The following PFKL variants were observed in gnomAD, a reference collection of about 807,000 sequenced individuals.
The protein encoded by PFKL is ATP-dependent 6-phosphofructokinase, liver type.
Under a neutral mutation model 92.1 loss-of-function variants are expected in PFKL, and 74 were observed. The observed-to-expected ratio is 0.80, with a 90% CI of 0.67 to 0.97. The LOEUF is 0.97. Ranked by LOEUF, PFKL falls within the 50% of genes least tolerant of loss-of-function variation. PFKL has a pLI of 0.00. For synonymous variants in PFKL, 494 were observed against 456.4 expected (o/e 1.08, Z -1.05); for missense variants, 1,028 against 1,116.6 (o/e 0.92, Z 1.13).
chr21:44,305,078 C>T (rs999995926), intron 1 of PFKL: 1 of 383,236 alleles, frequency 2.6e-6, no homozygotes, highest in African/African-American at 2.1e-5. Context: ...GGGGAGAGGG[C>T]CACCTACTGA....
Position 44,326,009 on chromosome 21 carries a change from G to C in PFKL, c.2038G>C (p.Val680Leu). 1.2e-6 allele frequency: 2 copies of C among 1,613,898 alleles called. No homozygotes were observed. The highest frequency in any genetic ancestry group is 1.1e-5 in the South Asian group (1 of 91,084). ...FDRNYGTKLG[V>L]KAMLWLSEKL... ...CCGGAACTATGGGACCAAGCTGGGG[G>C]TGAAGGCCATGCTGTGGTTGTCGGA... is the stretch of plus-strand genomic sequence containing the variant. Residue 680 changes from valine to leucine, a missense_variant, in exon 20 of 22, where the codon GTG (valine) becomes CTG (leucine). Physicochemically the swap from Val to Leu is conservative, Grantham distance 32. Transcript: ENST00000349048.
intron 18 of PFKL, 110 bp downstream of exon 18, chr21:44,325,027 G>A (rs1406165984): frequency 8.2e-7 from 1 of 1,226,310 alleles, no homozygotes; most frequent in East Asian, 2.5e-5. Flanking sequence ...TCCTTGGAGA[G>A]GGTGGGCCAG....
In PFKL at chr21:44,324,592, C is replaced by T; in HGVS notation, c.1752C>T (p.Gly584=). ...GYCGYLATVT[G]IAVGADAAYV... is the part of the protein sequence containing the mutation. ...GTGGCTACCTGGCCACCGTGACTGG[C>T]ATTGCTGTGGGGGCCGACGCCGCCT... Residue 584 remains glycine, a synonymous_variant, in exon 17 of 22, where the codon GGC becomes GGT. Coordinates refer to ENST00000349048, the MANE Select transcript of PFKL (RefSeq NM_002626.6). The T allele has an allele frequency of 6.2e-7, 1 of 1,612,660 alleles. No individual in the cohort carries two copies. The highest frequency in any genetic ancestry group is 8.5e-7 in the Non-Finnish European group (1 of 1,179,570).
chr21:44,305,448 GGGGT>G, intron 1 of PFKL: 2 of 1,310,544 alleles, frequency 1.5e-6, no homozygotes, highest in Non-Finnish European at 2.0e-6. Context: ...CAAGTACAGG[GGGGT>G]GGGAGGGCAG....
chr21:44,318,225 C>T (rs2047261838), intron 9 of PFKL, among the ~76,000 whole-genome samples: 1 of 152,210 alleles, frequency 6.6e-6, no homozygotes, highest in South Asian at 2.1e-4. Flanking sequence ...CATTGCATGG[C>T]ACCCTGCAGC....
chr21:44,314,284 C>A, intron 7 of PFKL: 1 of 503,746 alleles, frequency 2.0e-6, no homozygotes, highest in Non-Finnish European at 3.6e-6. Flanking sequence ...GCCCCGTGGT[C>A]AGTGTGGGGA....
chr21:44,307,297 G>A (rs2040978849), intron 2 of PFKL: 3 of 985,302 alleles, frequency 3.0e-6, no homozygotes, highest in Non-Finnish European at 3.6e-6. Context: ...CCCAGTCCCC[G>A]TGGGAGATTT....
chr21:44,324,925 T>TGCCGTGGGTCC lies in PFKL; in HGVS notation c.1877+9_1877+19dup, dbSNP rs1274166513. On this transcript the variant is annotated intron_variant, in intron 18 of 21. Coordinates refer to ENST00000349048, the MANE Select transcript of PFKL (RefSeq NM_002626.6). ...GAGGGGCCTGGTGCTGCGGTGAGGC[T>TGCCGTGGGTCC]GCCGTGGGTCCCTGGCCACAGCTGC... The TGCCGTGGGTCC allele has an allele frequency of 1.2e-6, 2 of 1,600,332 alleles. No individual in the cohort carries two copies. The highest frequency in any genetic ancestry group is 1.3e-5 in the African/African-American group (1 of 74,794).
intron 1 of PFKL, among the ~76,000 whole-genome samples, chr21:44,302,642 A>C (rs2040810286): frequency 6.6e-6 from 1 of 152,142 alleles, no homozygotes; most frequent in South Asian, 2.1e-4. Flanking sequence ...ACTGGGAGGC[A>C]CTTTCTGCCC....
chr21:44,324,877 G>T lies in PFKL; in HGVS notation c.1837G>T (p.Glu613Ter). ...GCAGGTCAACGTGGAGCACATGACG[G>T]AGAAGATGAAGACAGACATTCAGAG... ...DLKVNVEHMT[E>*]KMKTDIQRGL... Residue 613 changes from glutamate (E) to a stop codon, truncating the protein, a stop_gained, in exon 18 of 22, where the codon GAG becomes TAG. Transcript: ENST00000349048. LOFTEE classifies it high-confidence loss of function. The T allele has an allele frequency of 6.2e-7, 1 of 1,609,178 alleles. No homozygotes were observed. The highest frequency in any genetic ancestry group is 2.2e-5 in the East Asian group (1 of 44,638).
Position 44,312,410 on chromosome 21 carries a change from A to AG in PFKL, c.427+120dup. 5 of 980,844 alleles carry AG rather than the reference A, an allele frequency of 5.1e-6. No homozygotes were observed. In the South Asian group the frequency reaches 9.0e-5, roughly 18 times the overall value. The allele number at this position is 980,844 out of a possible 1,614,324, so 60.8% of individuals were successfully genotyped here. On this transcript the variant is annotated intron_variant, in intron 4 of 21. Transcript: ENST00000349048. ...ATCCCTGGGTGCCCCGAGGCAGAGG[A>AG]GGGGCTGTCTGGCCGTTGGCCGGGG... is the stretch of plus-strand genomic sequence containing the variant.
intron 1 of PFKL, among the ~76,000 whole-genome samples, chr21:44,305,032 C>A (rs1241960477): frequency 1.3e-5 from 2 of 152,140 alleles, no homozygotes; most frequent in African/African-American, 4.8e-5. Flanking sequence ...CCGGGCTTGG[C>A]TCTGGCCCCC....
In PFKL at chr21:44,307,233, G is replaced by A. The variant is rs921817018; in HGVS notation, c.159+479G>A. On this transcript the variant is annotated intron_variant, in intron 2 of 21. Coordinates refer to ENST00000349048, the MANE Select transcript of PFKL (RefSeq NM_002626.6). ...GGCAGCCGCTGGCAGCAGCTCTGCT[G>A]TGTCTATGTTCATTGTGTCCCCGCA... 1.7e-5 allele frequency: 17 copies of A among 980,518 alleles called. No homozygotes were observed. In the African/African-American group the frequency reaches 1.9e-4, roughly 11 times the overall value. 60.7% of individuals were successfully genotyped at this position (980,518 alleles called of 1,614,324 possible). A position where few individuals can be genotyped will look rare whatever the true frequency, so the allele number is the denominator to read the frequency against.
At chr21:44,309,772 C>T (rs989951331) in intron 2 of PFKL, among the ~76,000 whole-genome samples, 1 of 152,182 alleles carries the variant, frequency 6.6e-6, no homozygotes, top group African/African-American at 2.4e-5. Context: ...GCCAGGCTGG[C>T]CTGGCCTGAG....
At chr21:44,312,480 G>A (rs544101013) in intron 4 of PFKL, among the ~76,000 whole-genome samples, 186 bp downstream of exon 4, 30 of 152,338 alleles carry the variant, frequency 2.0e-4, no homozygotes, top group Non-Finnish European at 3.8e-4. Context: ...TCCCAGAGAT[G>A]GAGGTCAGTG....
chr21:44,312,703 A>G (rs1050774007), intron 4 of PFKL, among the ~76,000 whole-genome samples: 13 of 152,220 alleles, frequency 8.5e-5, no homozygotes, highest in Non-Finnish European at 1.6e-4. Context: ...TCTCGGAGCC[A>G]TGTCTGTTCC....
chr21:44,325,139 G>T lies in PFKL; in HGVS notation c.1878-14G>T, dbSNP rs755657674. 10 of 1,571,434 alleles carry T rather than the reference G, an allele frequency of 6.4e-6. No homozygotes were observed. The highest frequency in any genetic ancestry group is 8.8e-6 in the Non-Finnish European group (10 of 1,142,040). On this transcript the variant is annotated splice_polypyrimidine_tract_variant and intron_variant, in intron 18 of 21. Transcript: ENST00000349048. ...ACTCGTTCCCGCCGACTCAGGCCCTGCTGCCCCTCTCAGGAACGAGAAGTG... is the reference window on the plus strand; with the variant it reads ...ACTCGTTCCCGCCGACTCAGGCCCTTCTGCCCCTCTCAGGAACGAGAAGTG...
chr21:44,300,963 C>G (rs962945378), intron 1 of PFKL, among the ~76,000 whole-genome samples: 1 of 152,172 alleles, frequency 6.6e-6, no homozygotes, highest in Non-Finnish European at 1.5e-5. Flanking sequence ...TACCCTACCC[C>G]TCAGGAGGAG....
In PFKL at chr21:44,313,677, C is replaced by T. The variant is rs1568954088; in HGVS notation, c.633C>T (p.His211=). The T allele has an allele frequency of 1.9e-6, 3 of 1,612,002 alleles. No homozygotes were observed. The highest frequency in any genetic ancestry group is 2.5e-6 in the Non-Finnish European group (3 of 1,179,530). ...TCGTGCTGGAAGTGATGGGCCGGCA[C>T]TGCGGGTGAGGAGGGGCTTCCTGGC... is the stretch of plus-strand genomic sequence containing the variant. ...RTFVLEVMGR[H]CGYLALVSAL... Residue 211 remains histidine (H), a synonymous_variant, in exon 6 of 22, where the codon CAC becomes CAT. Coordinates refer to ENST00000349048, the MANE Select transcript of PFKL (RefSeq NM_002626.6).
Sources: allele counts gnomAD v4.1 joint callset (sites outside exome capture counted in the v4.1 genomes callset), GRCh38; gene constraint gnomAD v4.1.1; transcripts MANE v1.5; gene names NCBI Gene and HGNC (gene_info 2026-07-23, HGNC 2026-07-21).